Variants in MKLN1 observed in about 807,000 individuals in gnomAD.
MKLN1 encodes muskelin 1.
In MKLN1, 18 loss-of-function variants were observed where a neutral mutation model predicts 99.0. The ratio of observed to expected loss-of-function variants is 0.18; its 90% CI spans 0.13 to 0.27. The LOEUF is 0.27. MKLN1 is among the 10% of genes least tolerant of loss of function. The probability of loss-of-function intolerance (pLI) is 1.00; values close to 1 mark genes in which losing one functional copy is unlikely to be tolerated. For synonymous variants in MKLN1, 288 were observed against 293.2 expected (o/e 0.98, Z 0.18); for missense variants, 621 against 875.9 (o/e 0.71, Z 3.67).
At chr7:131,316,379 AAACT>A (rs1798668898) in intron 3 of MKLN1, among the ~76,000 whole-genome samples, 1 of 152,232 alleles carries the variant, frequency 6.6e-6, no homozygotes, top group Admixed American at 6.5e-5. Flanking sequence ...GTTAGAAGAA[AAACT>A]AACAAACAGA....
chr7:131,360,146 G>A (rs1222551878), intron 1 of MKLN1, among the ~76,000 whole-genome samples: 3 of 152,054 alleles, frequency 2.0e-5, no homozygotes, highest in Admixed American at 2.0e-4. Context: ...TTAAAGAATG[G>A]TATGTCTTTT....
intron 10 of MKLN1, among the ~76,000 whole-genome samples, chr7:131,440,675 A>T (rs1271206880): frequency 6.6e-6 from 1 of 152,018 alleles, no homozygotes; most frequent in African/African-American, 2.4e-5. Context: ...ACAAAGAGGT[A>T]AAAATGATTA....
intron 6 of MKLN1, among the ~76,000 whole-genome samples, chr7:131,401,300 A>G (rs1197563610): frequency 6.6e-6 from 1 of 152,088 alleles, no homozygotes; most frequent in Non-Finnish European, 1.5e-5. Flanking sequence ...TTTACATTTC[A>G]TTTTATTAGA....
chr7:131,452,938 A>G (rs1013864479), intron 12 of MKLN1, among the ~76,000 whole-genome samples: 3 of 152,340 alleles, frequency 2.0e-5, no homozygotes, highest in East Asian at 1.9e-4. Flanking sequence ...TGTCATTAAC[A>G]TAGATTAGTT....
intron 1 of MKLN1, among the ~76,000 whole-genome samples, chr7:131,366,987 T>C (rs1800201098): frequency 6.6e-6 from 1 of 152,204 alleles, no homozygotes; most frequent in Non-Finnish European, 1.5e-5. Context: ...TAATTGGTAG[T>C]ATATACAGAT....
At chr7:131,341,643 A>G (rs1799410988) in intron 1 of MKLN1, among the ~76,000 whole-genome samples, 1 of 152,180 alleles carries the variant, frequency 6.6e-6, no homozygotes, top group South Asian at 2.1e-4. Context: ...CAGTTTTTCC[A>G]TGGATGGGGT....
intron 17 of MKLN1, among the ~76,000 whole-genome samples, chr7:131,486,290 C>G (rs890608140): frequency 1.3e-5 from 2 of 151,416 alleles, no homozygotes; most frequent in African/African-American, 4.9e-5. Flanking sequence ...TAGGAAGACT[C>G]TAATCTCACC....
At chr7:131,296,706 T>C (rs1369984464) in intron 3 of MKLN1, among the ~76,000 whole-genome samples, 1 of 152,160 alleles carries the variant, frequency 6.6e-6, no homozygotes, top group Non-Finnish European at 1.5e-5. Flanking sequence ...ATAAGCAACA[T>C]AGCAAGACCC....
At chr7:131,361,748 G>A (rs1311342598) in intron 1 of MKLN1, among the ~76,000 whole-genome samples, 1 of 151,540 alleles carries the variant, frequency 6.6e-6, no homozygotes, top group Non-Finnish European at 1.5e-5. Flanking sequence ...TACTTGTGAG[G>A]CAGTCAGTAA....
intron 1 of MKLN1, chr7:131,142,780 G>A: frequency 2.0e-6 from 1 of 492,534 alleles, no homozygotes; most frequent in Non-Finnish European, 3.5e-6. Context: ...AATTAATAGA[G>A]GTAGACTTCA....
chr7:131,151,184 C>A (rs952971177), intron 2 of MKLN1, among the ~76,000 whole-genome samples: 3 of 152,216 alleles, frequency 2.0e-5, no homozygotes, highest in Non-Finnish European at 4.4e-5. Context: ...CTCTGCATAT[C>A]CGAAAATCGG....
At chr7:131,263,928 G>A (rs1460192418) in intron 3 of MKLN1, among the ~76,000 whole-genome samples, 2 of 152,182 alleles carry the variant, frequency 1.3e-5, no homozygotes, top group South Asian at 2.1e-4. Flanking sequence ...AAGGGACTCT[G>A]AGGAGTTGCC....
chr7:131,438,866 G>T (rs1431863248), intron 10 of MKLN1, among the ~76,000 whole-genome samples: 1 of 151,932 alleles, frequency 6.6e-6, no homozygotes, highest in Non-Finnish European at 1.5e-5. Context: ...TCTTATCTAG[G>T]ACATAGAACC....
chr7:131,258,326 C>CTCTGTTGCTGAAGGAAGAT (rs1554543336), intron 3 of MKLN1, among the ~76,000 whole-genome samples: 8 of 145,974 alleles, frequency 5.5e-5, no homozygotes, highest in East Asian at 4.0e-4. Flanking sequence ...TCCTGAGATG[C>CTCTGTTGCTGAAGGAAGAT]TCTGTTGCTG....
At chr7:131,425,653 C>G (rs1173514128) in intron 8 of MKLN1, among the ~76,000 whole-genome samples, 3 of 152,106 alleles carry the variant, frequency 2.0e-5, no homozygotes, top group Non-Finnish European at 4.4e-5. Context: ...TAGCCTATAT[C>G]CCATTCAGAA....
chr7:131,214,879 T>A (rs1243235395), intron 3 of MKLN1, among the ~76,000 whole-genome samples: 1 of 152,270 alleles, frequency 6.6e-6, no homozygotes, highest in Non-Finnish European at 1.5e-5. Context: ...TCAAATCTTC[T>A]GCAATGTTTT....
chr7:131,493,821 G>T lies in MKLN1; in HGVS notation c.*6093G>T, dbSNP rs763536983. ...AGCAGTTAGCTCAGATATCTGAGCT[G>T]TCTGCCACACAAAGCCTGAGGAGAT... is the stretch of plus-strand genomic sequence containing the variant. On this transcript the variant is annotated 3_prime_UTR_variant, in exon 18 of 18. Coordinates refer to ENST00000352689, the MANE Select transcript of MKLN1 (RefSeq NM_013255.5). 21 of 152,154 alleles carry T rather than the reference G, an allele frequency of 1.4e-4. No individual in the cohort carries two copies. The highest frequency in any genetic ancestry group is 2.5e-4 in the Non-Finnish European group (17 of 68,024). The allele number at this position is 152,154 out of a possible 1,614,324, so 9.4% of individuals were successfully genotyped here.
At chr7:131,234,151 T>C (rs970117175) in intron 3 of MKLN1, among the ~76,000 whole-genome samples, 6 of 152,032 alleles carry the variant, frequency 3.9e-5, no homozygotes, top group Non-Finnish European at 8.8e-5. Context: ...GGCTAATTTT[T>C]GTATTTTTAG....
At chr7:131,266,439 A>G (rs192540092) in intron 3 of MKLN1, among the ~76,000 whole-genome samples, 34 of 152,350 alleles carry the variant, frequency 2.2e-4, no homozygotes, top group Admixed American at 1.2e-3. Flanking sequence ...TACCTAATAC[A>G]CAATAAATAC....
Sources: gnomAD v4.1 joint callset for allele counts (sites outside exome capture counted in the v4.1 genomes callset) on GRCh38, gnomAD v4.1.1 for gene constraint, MANE v1.5 for transcripts, NCBI Gene and HGNC (gene_info 2026-07-23, HGNC 2026-07-21) for gene names.